Variants in PARL observed in about 807,000 individuals in gnomAD.
The protein encoded by PARL is presenilin-associated rhomboid-like protein, mitochondrial.
PARL carries 44 observed loss-of-function variants against 51.6 expected under a neutral mutation model. The ratio of observed to expected loss-of-function variants is 0.85; its 90% confidence interval spans 0.67 to 1.10. The LOEUF (loss-of-function observed/expected upper bound fraction) is 1.10. PARL is among the 50% of genes least tolerant of loss of function. The pLI, the probability that PARL is intolerant of heterozygous loss-of-function variation, is 0.00. For synonymous variants in PARL, 172 were observed against 164.0 expected, an observed-to-expected ratio of 1.05 and a Z score of -0.37; for missense variants, 441 against 469.5, an observed-to-expected ratio of 0.94 and a Z score of 0.56.
chr3:183,883,932 T>G (rs774491011), intron 1 of PARL, among the ~76,000 whole-genome samples: 8 of 152,208 alleles, frequency 5.3e-5, no homozygotes, highest in Non-Finnish European at 1.2e-4. Flanking sequence ...TCCCACGTGT[T>G]GATAAACAAT....
chr3:183,867,036 C>T (rs1732572228), intron 2 of PARL, among the ~76,000 whole-genome samples: 1 of 152,112 alleles, frequency 6.6e-6, no homozygotes, highest in South Asian at 2.1e-4. Context: ...GTCTCAGCCT[C>T]TGGAGTAGCT....
rs1303676479 is a variant in PARL, at chr3:183,842,193, GCACT to G, written c.757+101_757+104del. 4 of 1,096,568 alleles carry G rather than the reference GCACT, an allele frequency of 3.6e-6. No homozygotes were observed. The African/African-American group carries it at 6.2e-5, about 17-fold the overall frequency. 67.9% of individuals were successfully genotyped at this position (1,096,568 alleles called of 1,614,324 possible). ...ACTGTGAGAAACAAATATGTTCTGA[GCACT>G]CACTACGTGTAGAATATGGCAGTAA... On this transcript the variant is annotated intron_variant, in intron 6 of 9. Coordinates refer to ENST00000317096, the MANE Select transcript of PARL (RefSeq NM_018622.7).
intron 5 of PARL, chr3:183,843,305 T>G (rs1448881194): frequency 1.0e-6 from 1 of 985,046 alleles, no homozygotes; most frequent in African/African-American, 1.7e-5. Flanking sequence ...AAAAGTTGAT[T>G]AGAAAAAAAT....
At position 183,844,319 on chromosome 3, in the gene PARL, T is replaced by G. The variant is rs1328387767; in HGVS notation, c.519A>C (p.Ile173=). 1 of 1,569,960 alleles carries G rather than the reference T, an allele frequency of 6.4e-7. No individual in the cohort carries two copies. Among genetic ancestry groups the G allele is most frequent in the Non-Finnish European group, 8.8e-7 (1 of 1,139,684 alleles). ...AACAGAATACAAGGACATTTGCAGCTATAATACCTACAAAATAAATATTTA... is the reference window on the plus strand; with the variant it reads ...AACAGAATACAAGGACATTTGCAGCGATAATACCTACAAAATAAATATTTA... ...SDGQRTVTGI[I]AANVLVFCLW... Residue 173 remains isoleucine (I), a synonymous_variant, in exon 5 of 10, where the codon ATA becomes ATC. Transcript: ENST00000317096.
At chr3:183,840,427 T>A in intron 7 of PARL, 143 bp downstream of exon 7, 1 of 548,608 alleles carries the variant, frequency 1.8e-6, no homozygotes. Flanking sequence ...AATGTTAATT[T>A]CTTGGTTTCG....
chr3:183,871,825 A>G (rs2108690713), intron 1 of PARL, among the ~76,000 whole-genome samples: 1 of 152,244 alleles, frequency 6.6e-6, no homozygotes, highest in East Asian at 1.9e-4. Context: ...ATCAGAATGC[A>G]CTGGCTGTAT....
Position 183,848,735 on chromosome 3 carries a change from T to C in PARL, c.512-4409A>G, listed in dbSNP as rs565292475. ...GTATAAAACTTTTCACAGAGGGCAT[T>C]TGTCAAAAACAATGACAGGTAAGTG... On this transcript the variant is annotated intron_variant, in intron 4 of 9. Coordinates refer to ENST00000317096, the MANE Select transcript of PARL (RefSeq NM_018622.7). Among the ~76,000 whole-genome samples the C allele has an allele frequency of 8.9e-4, 135 of 152,310 alleles. 4 individuals carry two copies. The highest frequency in any genetic ancestry group is 3.3e-3 in the Admixed American group (50 of 15,296).
chr3:183,831,150 A>G (rs1328198021), intron 9 of PARL, among the ~76,000 whole-genome samples: 1 of 151,980 alleles, frequency 6.6e-6, no homozygotes, highest in Non-Finnish European at 1.5e-5. Context: ...TAATTTTTGT[A>G]TTTTTAGTAG....
At chr3:183,882,374 CACAT>C (rs1191986484) in intron 1 of PARL, among the ~76,000 whole-genome samples, 4 of 137,906 alleles carry the variant, frequency 2.9e-5, no homozygotes, top group Non-Finnish European at 6.1e-5. Context: ...TATATACACA[CACAT>C]ATATACATAT....
intron 3 of PARL, among the ~76,000 whole-genome samples, chr3:183,866,386 A>G (rs951469845): frequency 9.8e-5 from 15 of 152,376 alleles, no homozygotes; most frequent in African/African-American, 3.6e-4. Context: ...TGGGATTACC[A>G]GTAGAGTAAC....
At chr3:183,840,115 A>G (rs1162104536) in intron 7 of PARL, among the ~76,000 whole-genome samples, 1 of 152,132 alleles carries the variant, frequency 6.6e-6, no homozygotes, top group Non-Finnish European at 1.5e-5. Context: ...ACTTTCTAAA[A>G]CCAACACAAA....
Position 183,832,036 on chromosome 3 carries a change from C to A in PARL, c.1028+1456G>T, listed in dbSNP as rs557989272. 8.5e-5 allele frequency among the ~76,000 whole-genome samples: 13 copies of A among 152,130 alleles called. No individual in the cohort carries two copies. The East Asian group carries it at 2.1e-3, about 25-fold the overall frequency. ...TAAATTTAGAGCTCACAAAACAGAA[C>A]CCCTTCATGTTTCTCATACTGTAAT... On this transcript the variant is annotated intron_variant, in intron 9 of 9. Transcript: ENST00000317096.
At chr3:183,851,010 C>T (rs541515687) in intron 4 of PARL, among the ~76,000 whole-genome samples, 5 of 152,264 alleles carry the variant, frequency 3.3e-5, no homozygotes, top group African/African-American at 1.2e-4. Context: ...ATTACGGTCA[C>T]CTGATTTTTG....
At chr3:183,851,374 G>A (rs1296389758) in intron 4 of PARL, among the ~76,000 whole-genome samples, 1 of 152,162 alleles carries the variant, frequency 6.6e-6, no homozygotes, top group African/African-American at 2.4e-5. Flanking sequence ...ACAACTCACA[G>A]AATGGGAAAA....
At position 183,862,734 on chromosome 3, in the gene PARL, C is replaced by G. The variant is rs1356791577; in HGVS notation, c.511+19G>C. ...TTTCTCTTCCCTTGAATGGTTAAAA[C>G]GTGTAAGCTAACACAAACCTGTCAC... On this transcript the variant is annotated intron_variant, in intron 4 of 9. Coordinates refer to ENST00000317096, the MANE Select transcript of PARL (RefSeq NM_018622.7). 6.2e-7 allele frequency: 1 copy of G among 1,604,178 alleles called. No individual in the cohort carries two copies. The highest frequency in any genetic ancestry group is 1.7e-5 in the Admixed American group (1 of 60,010).
chr3:183,829,988 C>CCATCG (rs141856219), intron 9 of PARL, among the ~76,000 whole-genome samples: 21,831 of 152,070 alleles, frequency 0.14, 1,833 homozygotes, highest in East Asian at 0.26. Flanking sequence ...ATCAGTTTTC[C>CCATCG]CATCGCAGAC....
At chr3:183,855,279 C>T (rs1156330318) in intron 4 of PARL, among the ~76,000 whole-genome samples, 1 of 152,150 alleles carries the variant, frequency 6.6e-6, no homozygotes, top group Non-Finnish European at 1.5e-5. Flanking sequence ...ACTGAATTTA[C>T]TTTGGCTTTC....
At chr3:183,840,699 T>C (rs1441764410) in intron 6 of PARL, 59 bp from the exon 7 acceptor site, 2 of 906,496 alleles carry the variant, frequency 2.2e-6, no homozygotes, top group African/African-American at 1.7e-5. Context: ...TTTACTTTTT[T>C]TTTTCTTTTC....
chr3:183,876,610 T>TAAAAAAAAA (rs576376716), intron 1 of PARL, among the ~76,000 whole-genome samples: 15 of 91,790 alleles, frequency 1.6e-4, no homozygotes, highest in South Asian at 3.9e-4. Context: ...ATACATTTTG[T>TAAAAAAAAA]AAAAAAAAAA....
Sources: gnomAD v4.1 joint callset for allele counts (sites outside exome capture counted in the v4.1 genomes callset) on GRCh38, gnomAD v4.1.1 for gene constraint, MANE v1.5 for transcripts, NCBI Gene and HGNC (gene_info 2026-07-23, HGNC 2026-07-21) for gene names.